CNIH3: variants seen among roughly 807,000 people sequenced by gnomAD.
The protein encoded by CNIH3 is cornichon family AMPA receptor auxiliary protein 3, also known as protein cornichon homolog 3.
In CNIH3, 14 loss-of-function variants were observed where a neutral mutation model predicts 24.1. The ratio of observed to expected loss-of-function variants is 0.58; its 90% CI spans 0.38 to 0.91. CNIH3 has a LOEUF of 0.91. CNIH3 is among the 40% of genes least tolerant of loss of function. The pLI, the probability that CNIH3 is intolerant of heterozygous loss-of-function variation, is 0.00. For missense variants in CNIH3, 178 were observed against 196.8 expected (o/e 0.90, Z 0.57); for synonymous variants, 68 against 73.8 (o/e 0.92, Z 0.40).
At chr1:224,660,581 C>T (rs1171220040) in intron 1 of CNIH3, among the ~76,000 whole-genome samples, 1 of 152,118 alleles carries the variant, frequency 6.6e-6, no homozygotes, top group Admixed American at 6.5e-5. Flanking sequence ...GACAAAGACC[C>T]AGCTTACCAG....
intron 1 of CNIH3, among the ~76,000 whole-genome samples, chr1:224,490,026 A>C (rs1383476991): frequency 6.6e-6 from 1 of 152,202 alleles, no homozygotes; most frequent in Admixed American, 6.5e-5. Flanking sequence ...TGTAGGACCA[A>C]AAAAATAGGG....
chr1:224,502,321 A>C (rs1473749222), intron 1 of CNIH3, among the ~76,000 whole-genome samples: 3 of 152,222 alleles, frequency 2.0e-5, no homozygotes, highest in African/African-American at 7.2e-5. Context: ...GGTCAGCAGA[A>C]GTATCTCGTG....
At chr1:224,580,203 A>G (rs1005637107) in intron 4 of CNIH3, among the ~76,000 whole-genome samples, 10 of 152,066 alleles carry the variant, frequency 6.6e-5, no homozygotes, top group Non-Finnish European at 1.2e-4. Context: ...CAGACCCCTT[A>G]TATTTGGCCC....
At chr1:224,490,146 C>T (rs1166749445) in intron 1 of CNIH3, among the ~76,000 whole-genome samples, 3 of 152,144 alleles carry the variant, frequency 2.0e-5, no homozygotes, top group Non-Finnish European at 4.4e-5. Flanking sequence ...AAGACAGGCT[C>T]ATCCAATAAA....
Position 224,660,592 on chromosome 1 carries a change from C to G in CNIH3, c.82-20366C>G, listed in dbSNP as rs144786208. On this transcript the variant is annotated intron_variant, in intron 1 of 5. Transcript: ENST00000272133. ...AAATGACAAAGACCCAGCTTACCAG[C>G]TTTACTTTTTTAAAACCCAAGCTTA... Among the ~76,000 whole-genome samples the G allele has an allele frequency of 5.7e-3, 863 of 152,174 alleles. 14 individuals are homozygous for G. Among genetic ancestry groups the G allele is most frequent in the African/African-American group, 0.02 (813 of 41,508 alleles).
intron 3 of CNIH3, among the ~76,000 whole-genome samples, chr1:224,698,982 A>AGACTCG (rs143939876): frequency 6.6e-6 from 1 of 151,940 alleles, no homozygotes; most frequent in East Asian, 1.9e-4. Context: ...TGGGGAGCTG[A>AGACTCG]GAGGTCACTT....
At chr1:224,473,449 A>G (rs1676447178) in intron 1 of CNIH3, among the ~76,000 whole-genome samples, 1 of 152,208 alleles carries the variant, frequency 6.6e-6, no homozygotes, top group South Asian at 2.1e-4. Context: ...TAAAAGAAAT[A>G]CACTTCACCA....
intron 1 of CNIH3, among the ~76,000 whole-genome samples, chr1:224,673,518 A>G (rs1422492534): frequency 1.3e-5 from 2 of 151,994 alleles, no homozygotes; most frequent in Non-Finnish European, 1.5e-5. Flanking sequence ...AGACCTTTCC[A>G]TGTCTGGCTC....
At chr1:224,476,128 C>G (rs1676578374) in intron 1 of CNIH3, among the ~76,000 whole-genome samples, 1 of 152,192 alleles carries the variant, frequency 6.6e-6, no homozygotes, top group Non-Finnish European at 1.5e-5. Flanking sequence ...GACAGACCCA[C>G]AGCTAATATC....
intron 1 of CNIH3, among the ~76,000 whole-genome samples, chr1:224,497,174 A>G (rs1035725088): frequency 3.9e-5 from 6 of 152,374 alleles, no homozygotes; most frequent in South Asian, 2.1e-4. Flanking sequence ...AGGCAAATCT[A>G]TAGAGACAGA....
chr1:224,730,257 G>C (rs1220626910), intron 3 of CNIH3: 1 of 539,186 alleles, frequency 1.9e-6, no homozygotes. Flanking sequence ...TTTGGGTTTG[G>C]GTATAATAAA....
chr1:224,735,563 G>A (rs536184577), intron 5 of CNIH3, among the ~76,000 whole-genome samples: 2 of 152,338 alleles, frequency 1.3e-5, no homozygotes, highest in South Asian at 2.1e-4. Context: ...AGGAGGGGTC[G>A]GGATGTTGGA....
intron 1 of CNIH3, among the ~76,000 whole-genome samples, chr1:224,501,226 G>C (rs923336338): frequency 6.6e-6 from 1 of 152,134 alleles, no homozygotes; most frequent in African/African-American, 2.4e-5. Flanking sequence ...ACTTGAGGTA[G>C]GCGGAGTCAT....
chr1:224,680,834 A>G (rs534880168), intron 1 of CNIH3, 124 bp from the exon 2 acceptor site: 25 of 716,352 alleles, frequency 3.5e-5, no homozygotes, highest in African/African-American at 1.4e-4. Flanking sequence ...CTGCTGGCCA[A>G]TCTCATGCCA....
At chr1:224,514,506 A>G (rs1264394559), upstream of CNIH3, among the ~76,000 whole-genome samples, 2 of 152,198 alleles carry the variant, frequency 1.3e-5, no homozygotes, top group South Asian at 2.1e-4. Flanking sequence ...GAAAATTGCT[A>G]TTTTTCAAAT....
chr1:224,716,372 G>T (rs898044737), intron 3 of CNIH3, among the ~76,000 whole-genome samples: 1 of 152,108 alleles, frequency 6.6e-6, no homozygotes, highest in African/African-American at 2.4e-5. Context: ...ATAACTTCAC[G>T]CAGGCAAGGA....
chr1:224,520,608 C>A lies in CNIH3; in HGVS notation n.16-392C>A, dbSNP rs1246265641. On this transcript the variant is annotated intron_variant and non_coding_transcript_variant, in intron 1 of 2. Transcript: ENST00000470602. ...CAGTTTCATAAGGTTCAGGCTAATACAAAGTGAAGTGAGAACAGTGATAGA... is the reference window on the plus strand; with the variant it reads ...CAGTTTCATAAGGTTCAGGCTAATAAAAAGTGAAGTGAGAACAGTGATAGA... Among the ~76,000 whole-genome samples the A allele has an allele frequency of 2.0e-5, 3 of 152,290 alleles. No individual in the cohort carries two copies. In the East Asian group the frequency reaches 5.8e-4, roughly 29 times the overall value.
rs549768615 is a variant in CNIH3, at chr1:224,656,290, T to C, written c.82-24668T>C. Reference sequence around the variant, plus strand: ...GATCTGTGTACTTTTATTTTGCTTTTTGAACAACATTTGAGGCCACATTGA... The same window carrying C: ...GATCTGTGTACTTTTATTTTGCTTTCTGAACAACATTTGAGGCCACATTGA... On this transcript the variant is annotated intron_variant, in intron 1 of 5. Transcript: ENST00000272133. Among the ~76,000 whole-genome samples the C allele has an allele frequency of 3.9e-5, 6 of 152,340 alleles. No homozygotes were observed. The South Asian group carries it at 1.2e-3, about 32-fold the overall frequency.
intron 1 of CNIH3, among the ~76,000 whole-genome samples, chr1:224,437,217 A>G (rs1674705272): frequency 6.6e-6 from 1 of 152,176 alleles, no homozygotes; most frequent in South Asian, 2.1e-4. Flanking sequence ...TTTAGGAACA[A>G]AGGTCCAAGT....
Sources: gnomAD v4.1 joint callset for allele counts (sites outside exome capture counted in the v4.1 genomes callset) on GRCh38, gnomAD v4.1.1 for gene constraint, MANE v1.5 for transcripts, NCBI Gene and HGNC (gene_info 2026-07-23, HGNC 2026-07-21) for gene names.